The following CSMD2 variants were observed in gnomAD, a reference collection of about 807,000 sequenced individuals.
CSMD2 encodes the protein CUB and sushi domain-containing protein 2.
A neutral mutation model predicts 398.5 loss-of-function variants in CSMD2; 130 were observed. The observed-to-expected ratio is 0.33, with a 90% CI of 0.28 to 0.38. The LOEUF (loss-of-function observed/expected upper bound fraction) is 0.38, where lower values mean the gene tolerates loss of function less well. Among genes scored for constraint, CSMD2 ranks in the 10% least tolerant of loss-of-function variants. CSMD2 has a pLI of 1.00. For synonymous variants in CSMD2, 1,828 were observed against 1,908.5 expected (o/e 0.96, Z 1.10); for missense variants, 3,829 against 4,764.9 (o/e 0.80, Z 5.78).
intron 42 of CSMD2, 72 bp downstream of exon 42, chr1:33,605,210 A>C: frequency 7.2e-7 from 1 of 1,395,188 alleles, no homozygotes; most frequent in Non-Finnish European, 9.9e-7. Context: ...GGTAGGTGGA[A>C]CATGGGATTG....
chr1:33,683,853 C>A (rs1308886763), intron 25 of CSMD2, among the ~76,000 whole-genome samples: 1 of 152,250 alleles, frequency 6.6e-6, no homozygotes, highest in Non-Finnish European at 1.5e-5. Context: ...GTGTGCTTCT[C>A]TGTTCAGTTC....
At chr1:33,991,503 G>A (rs1646552530) in intron 3 of CSMD2, among the ~76,000 whole-genome samples, 1 of 152,178 alleles carries the variant, frequency 6.6e-6, no homozygotes, top group Non-Finnish European at 1.5e-5. Flanking sequence ...AATGGAACAG[G>A]TGGAGTAGAA....
At position 33,664,261 on chromosome 1, in the gene CSMD2, C is replaced by T. The variant is rs187928149; in HGVS notation, c.4053-1169G>A. ...CTTCCAGAGTTTTTTTCAATGAGCA[C>T]GCAAATATATTGTTCCCTCAAAATG... On this transcript the variant is annotated intron_variant, in intron 25 of 70. Coordinates refer to ENST00000373381, the MANE Select transcript of CSMD2 (RefSeq NM_001281956.2). Among the ~76,000 whole-genome samples, 460 of 152,018 alleles carry T rather than the reference C, an allele frequency of 3.0e-3. 5 individuals are homozygous for T. Among genetic ancestry groups the T allele is most frequent in the African/African-American group, 0.011 (440 of 41,472 alleles).
At chr1:33,660,321 G>A (rs773530932) in intron 26 of CSMD2, among the ~76,000 whole-genome samples, 6 of 152,082 alleles carry the variant, frequency 3.9e-5, no homozygotes, top group Admixed American at 6.6e-5. Context: ...TATGCTTCCC[G>A]CTCACCTTTT....
At chr1:34,064,084 C>A (rs971900556) in intron 2 of CSMD2, among the ~76,000 whole-genome samples, 1 of 152,162 alleles carries the variant, frequency 6.6e-6, no homozygotes, top group Non-Finnish European at 1.5e-5. Context: ...TGGGCCCAGC[C>A]CACAAAACCA....
rs1348797615 is a variant in CSMD2, at chr1:34,108,864, C to T, written c.188-19671G>A. Among the ~76,000 whole-genome samples, 6 of 152,074 alleles carry T rather than the reference C, an allele frequency of 3.9e-5. No homozygotes were observed. In the South Asian group the frequency reaches 6.2e-4, roughly 16 times the overall value. On this transcript the variant is annotated intron_variant, in intron 1 of 70. Transcript: ENST00000373381. Reference sequence around the variant, plus strand: ...GGGCAATCCTTGCAAGGTGTACTCCCGAGATGTTCCTGGCACTTATTCTTC... The same window carrying T: ...GGGCAATCCTTGCAAGGTGTACTCCTGAGATGTTCCTGGCACTTATTCTTC...
intron 3 of CSMD2, among the ~76,000 whole-genome samples, chr1:34,016,309 C>T (rs199964576): frequency 1.3e-5 from 2 of 151,966 alleles, no homozygotes; most frequent in East Asian, 1.9e-4. Context: ...TTCCCTTTCC[C>T]CCCACCCCCA....
At chr1:33,639,272 T>C (rs1428723435) in intron 29 of CSMD2, among the ~76,000 whole-genome samples, 1 of 152,204 alleles carries the variant, frequency 6.6e-6, no homozygotes, top group Admixed American at 6.5e-5. Flanking sequence ...TCCAGATTTC[T>C]TTTATAGGAA....
intron 2 of CSMD2, among the ~76,000 whole-genome samples, chr1:34,069,425 G>A (rs976360516): frequency 6.6e-6 from 1 of 152,160 alleles, no homozygotes; most frequent in Admixed American, 6.5e-5. Flanking sequence ...CAGGCTAACC[G>A]TGGGTGCTTG....
At chr1:33,725,211 C>A (rs1349780441) in intron 17 of CSMD2, 138 bp downstream of exon 17, 3 of 693,680 alleles carry the variant, frequency 4.3e-6, no homozygotes, top group Non-Finnish European at 7.4e-6. Flanking sequence ...TCCCCAGGGC[C>A]TTCTGAAGGG....
intron 55 of CSMD2, 90 bp downstream of exon 55, chr1:33,557,635 CACACACACA>C: frequency 1.0e-6 from 1 of 991,900 alleles, no homozygotes; most frequent in Non-Finnish European, 1.5e-6. Context: ...CACACACACA[CACACACACA>C]CACACACACA....
chr1:33,581,529 C>CAAAAAAAAAAAAAAA (rs59068586), intron 47 of CSMD2, among the ~76,000 whole-genome samples: 57 of 36,862 alleles, frequency 1.5e-3, no homozygotes, highest in Non-Finnish European at 2.0e-3. Flanking sequence ...GACTCAGTCT[C>CAAAAAAAAAAAAAAA]AAAAAAAAAA....
At chr1:33,820,789 G>A (rs3887449) in intron 7 of CSMD2, among the ~76,000 whole-genome samples, 2 of 151,954 alleles carry the variant, frequency 1.3e-5, no homozygotes, top group Non-Finnish European at 2.9e-5. Flanking sequence ...AAGTCATCAC[G>A]AGTGTGTGGG....
intron 9 of CSMD2, among the ~76,000 whole-genome samples, chr1:33,811,390 G>A (rs1036836545): frequency 4.6e-5 from 7 of 151,914 alleles, no homozygotes; most frequent in South Asian, 2.1e-4. Flanking sequence ...TCCTTCCTCC[G>A]TGACCCCCTT....
chr1:33,554,927 A>C (rs1570716488), intron 55 of CSMD2, among the ~76,000 whole-genome samples: 1 of 152,238 alleles, frequency 6.6e-6, no homozygotes, highest in Non-Finnish European at 1.5e-5. Flanking sequence ...CTAACACAAC[A>C]TCCATTCTGC....
intron 1 of CSMD2, among the ~76,000 whole-genome samples, chr1:34,108,437 A>G (rs1232217584): frequency 6.6e-6 from 1 of 152,166 alleles, no homozygotes; most frequent in Non-Finnish European, 1.5e-5. Flanking sequence ...TCTCAAGACC[A>G]CATTCACAGA....
chr1:34,123,381 G>T (rs1558422824), intron 1 of CSMD2, among the ~76,000 whole-genome samples: 1 of 151,888 alleles, frequency 6.6e-6, no homozygotes, highest in Non-Finnish European at 1.5e-5. Flanking sequence ...GAAGCTCCAA[G>T]CCCCTCCCCC....
chr1:34,147,249 C>T (rs1639860464), intron 1 of CSMD2, among the ~76,000 whole-genome samples: 1 of 151,880 alleles, frequency 6.6e-6, no homozygotes, highest in Non-Finnish European at 1.5e-5. Flanking sequence ...CAGAGCGACA[C>T]TCCATCTCAA....
Position 34,136,545 on chromosome 1 carries a change from C to T in CSMD2, c.187+28366G>A, listed in dbSNP as rs9919283. Among the ~76,000 whole-genome samples, 268 of 152,302 alleles carry T rather than the reference C, an allele frequency of 1.8e-3. 1 individual carries two copies. The highest frequency in any genetic ancestry group is 6.1e-3 in the African/African-American group (252 of 41,560). Reference sequence around the variant, plus strand: ...GTCTGTGCTGGGGTTACAGGCCTGACATATCATGATTTTTCATTAACGGCA... The same window carrying T: ...GTCTGTGCTGGGGTTACAGGCCTGATATATCATGATTTTTCATTAACGGCA... On this transcript the variant is annotated intron_variant, in intron 1 of 70. Transcript: ENST00000373381.
Sources: gnomAD v4.1 joint callset for allele counts (sites outside exome capture counted in the v4.1 genomes callset) on GRCh38, gnomAD v4.1.1 for gene constraint, MANE v1.5 for transcripts, NCBI Gene and HGNC (gene_info 2026-07-23, HGNC 2026-07-21) for gene names.